RNF38: variants seen among roughly 807,000 people sequenced by gnomAD.
The protein encoded by RNF38 is E3 ubiquitin-protein ligase RNF38.
In RNF38, 15 loss-of-function variants were observed where a neutral mutation model predicts 67.2. That is an observed-to-expected ratio of 0.22 (90% CI 0.15 to 0.34). RNF38 has a LOEUF of 0.34. RNF38 is among the 10% of genes least tolerant of loss of function. The probability of loss-of-function intolerance (pLI) is 1.00; values close to 1 mark genes in which losing one functional copy is unlikely to be tolerated. For synonymous variants in RNF38, 220 were observed against 218.8 expected (o/e 1.01, Z -0.05); for missense variants, 524 against 639.9 (o/e 0.82, Z 1.95).
At chr9:36,395,896 T>TG (rs1285717295) in intron 1 of RNF38, among the ~76,000 whole-genome samples, 41 of 152,132 alleles carry the variant, frequency 2.7e-4, no homozygotes, top group Non-Finnish European at 5.4e-4. Context: ...CACTACTACT[T>TG]GGGGGAGGAG....
chr9:36,387,491 C>T (rs974883648), intron 2 of RNF38, among the ~76,000 whole-genome samples: 1 of 152,096 alleles, frequency 6.6e-6, no homozygotes, highest in Non-Finnish European at 1.5e-5. Context: ...AAAGACATGC[C>T]TAATTTTAAA....
intron 1 of RNF38, among the ~76,000 whole-genome samples, chr9:36,440,130 C>G (rs1839161658): frequency 6.6e-6 from 1 of 152,114 alleles, no homozygotes; most frequent in African/African-American, 2.4e-5. Flanking sequence ...CCCATAATCC[C>G]AGGTACTTGG....
intron 9 of RNF38, among the ~76,000 whole-genome samples, chr9:36,346,215 C>CT (rs914070299): frequency 9.2e-5 from 14 of 151,838 alleles, no homozygotes; most frequent in Non-Finnish European, 1.5e-4. Flanking sequence ...TTATTATGCC[C>CT]TTTTTTTTGA....
chr9:36,481,493 A>C (rs1199419033), intron 1 of RNF38, among the ~76,000 whole-genome samples: 1 of 152,222 alleles, frequency 6.6e-6, no homozygotes, highest in Non-Finnish European at 1.5e-5. Context: ...GCCTGCAGGT[A>C]AGAATTGTTT....
In RNF38 at chr9:36,338,967, G is replaced by C. The variant is rs1184714344; in HGVS notation, c.*785C>G. ...AACCAGGTTCATGGAGCGAGAATTTGTTACACTTTTTTTTCTTAAGTGACC... is the reference window on the plus strand; with the variant it reads ...AACCAGGTTCATGGAGCGAGAATTTCTTACACTTTTTTTTCTTAAGTGACC... On this transcript the variant is annotated 3_prime_UTR_variant, in exon 12 of 12. Coordinates refer to ENST00000259605, the MANE Select transcript of RNF38 (RefSeq NM_022781.5). The C allele has an allele frequency of 6.6e-6, 1 of 152,564 alleles. No homozygotes were observed. Among genetic ancestry groups the C allele is most frequent in the Non-Finnish European group, 1.5e-5 (1 of 68,024 alleles). 9.5% of individuals were successfully genotyped at this position (152,564 alleles called of 1,614,324 possible). A position where few individuals can be genotyped will look rare whatever the true frequency, so the allele number is the denominator to read the frequency against.
intron 3 of RNF38, among the ~76,000 whole-genome samples, chr9:36,375,712 G>C (rs2277171): frequency 0.19 from 28,330 of 152,130 alleles, 3,196 homozygotes; most frequent in Non-Finnish European, 0.26. Context: ...GGCATCGACT[G>C]ATTTTAGCCT....
At chr9:36,378,169 CTTTTTTT>C (rs35057784) in intron 2 of RNF38, among the ~76,000 whole-genome samples, 30 of 114,870 alleles carry the variant, frequency 2.6e-4, no homozygotes, top group African/African-American at 5.1e-4. Flanking sequence ...TTAACACTGA[CTTTTTTT>C]TTTTTTTTTT....
chr9:36,430,170 G>T (rs2134260283), intron 1 of RNF38, among the ~76,000 whole-genome samples: 1 of 152,216 alleles, frequency 6.6e-6, no homozygotes. Context: ...TAAAGAGAAG[G>T]TGTAATCAGA....
rs776147519 is a variant in RNF38 at position 36,369,952 on chromosome 9, G to T, written c.357-20C>A. 6.9e-6 allele frequency: 11 copies of T among 1,593,666 alleles called. No homozygotes were observed. The South Asian group carries it at 1.1e-4, about 16-fold the overall frequency. ...GGAGGACTGTGATAAATATCAAAAAGAAAGTCATTATGCTTATTGTGATCC... is the reference window on the plus strand; with the variant it reads ...GGAGGACTGTGATAAATATCAAAAATAAAGTCATTATGCTTATTGTGATCC... On this transcript the variant is annotated intron_variant, in intron 3 of 11. Coordinates refer to ENST00000259605, the MANE Select transcript of RNF38 (RefSeq NM_022781.5).
intron 1 of RNF38, among the ~76,000 whole-genome samples, chr9:36,474,035 C>A (rs12344455): frequency 0.17 from 24,566 of 148,590 alleles, 2,211 homozygotes; most frequent in Admixed American, 0.22. Context: ...TAGCACAGAC[C>A]GGGCGCGGTG....
chr9:36,456,318 A>G (rs1401051121), intron 1 of RNF38, among the ~76,000 whole-genome samples: 1 of 152,192 alleles, frequency 6.6e-6, no homozygotes, highest in East Asian at 1.9e-4. Flanking sequence ...CGGCCTCCCA[A>G]AATGCTGGGA....
At chr9:36,432,659 G>C (rs1438921564) in intron 1 of RNF38, among the ~76,000 whole-genome samples, 1 of 152,032 alleles carries the variant, frequency 6.6e-6, no homozygotes, top group Admixed American at 6.6e-5. Flanking sequence ...TGGGCGTGGT[G>C]GTGGGCACCT....
At chr9:36,464,362 T>C (rs145170286) in intron 1 of RNF38, among the ~76,000 whole-genome samples, 9,303 of 151,460 alleles carry the variant, frequency 0.061, 316 homozygotes, top group South Asian at 0.15. Context: ...AGGTCAGGAG[T>C]TCGAGACCAG....
intron 4 of RNF38, among the ~76,000 whole-genome samples, chr9:36,358,737 C>T (rs1383324299): frequency 2.6e-5 from 4 of 152,134 alleles, no homozygotes; most frequent in Non-Finnish European, 4.4e-5. Flanking sequence ...TGGCCAGGCA[C>T]GGTGGCTCAT....
rs1836993833 is a variant in RNF38, at chr9:36,390,481, T to C, written c.148A>G (p.Lys50Glu). ...NTTVQEDAHFKAFFQSEDSPS... is the reference protein window; with the variant it reads ...NTTVQEDAHFEAFFQSEDSPS... Reference sequence around the variant, plus strand: ...TATATAAGAACCTGGAAGAAAGCTTTGAAGTGAGCATCCTCTTGAACGGTA... The same window carrying C: ...TATATAAGAACCTGGAAGAAAGCTTCGAAGTGAGCATCCTCTTGAACGGTA... Residue 50 changes from lysine to glutamate, a missense_variant, in exon 2 of 12, where the codon AAA (lysine) becomes GAA (glutamate). By Grantham distance (56) the Lys-to-Glu change is moderately conservative. Coordinates refer to ENST00000259605, the MANE Select transcript of RNF38 (RefSeq NM_022781.5). The C allele has an allele frequency of 6.2e-7, 1 of 1,612,938 alleles. No homozygotes were observed. Among genetic ancestry groups the C allele is most frequent in the Non-Finnish European group, 8.5e-7 (1 of 1,179,604 alleles).
intron 2 of RNF38, among the ~76,000 whole-genome samples, chr9:36,409,099 A>G (rs1838252549): frequency 6.6e-6 from 1 of 152,108 alleles, no homozygotes; most frequent in Non-Finnish European, 1.5e-5. Context: ...AAGCAGGGGA[A>G]TCACTTGAAC....
chr9:36,384,345 C>A (rs971866910), intron 2 of RNF38, among the ~76,000 whole-genome samples: 5 of 152,158 alleles, frequency 3.3e-5, no homozygotes, highest in African/African-American at 9.7e-5. Context: ...ACAGCTGAAG[C>A]TCAGAGGGTA....
intron 2 of RNF38, among the ~76,000 whole-genome samples, chr9:36,409,245 AGAAG>A (rs72057765): frequency 0.056 from 8,259 of 148,320 alleles, 347 homozygotes; most frequent in East Asian, 0.12. Context: ...ATGGAAGGAA[AGAAG>A]GAAGGAAGGA....
intron 5 of RNF38, among the ~76,000 whole-genome samples, chr9:36,356,852 C>T (rs561701662): frequency 6.6e-6 from 1 of 152,198 alleles, no homozygotes; most frequent in South Asian, 2.1e-4. Context: ...CTTTTCAATC[C>T]TGTAGAAATC....
Sources: gnomAD v4.1 joint callset for allele counts (sites outside exome capture counted in the v4.1 genomes callset) on GRCh38, gnomAD v4.1.1 for gene constraint, MANE v1.5 for transcripts, NCBI Gene and HGNC (gene_info 2026-07-23, HGNC 2026-07-21) for gene names.